EMC10: variants seen among roughly 807,000 people sequenced by gnomAD.
EMC10 encodes UPF0510 protein INM02.
Under a neutral mutation model 32.2 loss-of-function variants are expected in EMC10, and 40 were observed. That is an observed-to-expected ratio of 1.24 (90% CI 0.96 to 1.61). The LOEUF is 1.61. EMC10 is among the 40% of genes most tolerant of loss of function. The probability of loss-of-function intolerance (pLI) is 0.00; values close to 1 mark genes in which losing one functional copy is unlikely to be tolerated. For missense variants in EMC10, 402 were observed against 357.7 expected (o/e 1.12, Z -1.00); for synonymous variants, 178 against 158.4 (o/e 1.12, Z -0.93).
At chr19:50,479,284 G>A (rs2040280788) in intron 3 of EMC10, among the ~76,000 whole-genome samples, 1 of 152,198 alleles carries the variant, frequency 6.6e-6, no homozygotes, top group African/African-American at 2.4e-5. Context: ...CTGCATCACG[G>A]CCTCTTCCTG....
intron 6 of EMC10, 186 bp downstream of exon 6, chr19:50,481,163 A>T: frequency 1.8e-6 from 1 of 570,584 alleles, no homozygotes; most frequent in East Asian, 3.1e-5. Context: ...AAGTGTGGTC[A>T]GGGGAGGTCG....
At position 50,488,817 on chromosome 19, in the gene EMC10, G is replaced by A. The variant is rs1482380957; in HGVS notation, c.*6558G>A. 6 of 151,814 alleles carry A rather than the reference G, an allele frequency of 4.0e-5. No homozygotes were observed. The highest frequency in any genetic ancestry group is 9.7e-5 in the African/African-American group (4 of 41,166). The allele number at this position is 151,814 out of a possible 1,614,324, so 9.4% of individuals were successfully genotyped here. On this transcript the variant is annotated 3_prime_UTR_variant, in exon 7 of 7. Transcript: ENST00000334976. The stretch of plus-strand genomic sequence containing the variant: ...AGAGAATCTGCTAGAAGGGAGAGAG[G>A]AGAGAGAAGAGCCGGACAGGGAGAG...
rs1978537787 is a variant in EMC10 at position 50,489,628 on chromosome 19, C to G, written c.*7369C>G. The G allele has an allele frequency of 6.6e-6, 1 of 152,462 alleles. No homozygotes were observed. Among genetic ancestry groups the G allele is most frequent in the Non-Finnish European group, 1.5e-5 (1 of 68,252 alleles). 9.4% of individuals were successfully genotyped at this position (152,462 alleles called of 1,614,324 possible). A position where few individuals can be genotyped will look rare whatever the true frequency, so the allele number is the denominator to read the frequency against. Reference sequence around the variant, plus strand: ...TGGGAACTCGGCCATGCAGCAGAAACGTTCCCTGCCTCAACAGGGCGCAGC... The same window carrying G: ...TGGGAACTCGGCCATGCAGCAGAAAGGTTCCCTGCCTCAACAGGGCGCAGC... On this transcript the variant is annotated 3_prime_UTR_variant, in exon 7 of 7. Transcript: ENST00000334976.
At position 50,489,319 on chromosome 19, in the gene EMC10, AAAG is replaced by A. The variant is rs1408395271; in HGVS notation, c.*7061_*7063del. On this transcript the variant is annotated 3_prime_UTR_variant, in exon 7 of 7. Coordinates refer to ENST00000334976, the MANE Select transcript of EMC10 (RefSeq NM_206538.4). ...TCCAGCGGGTGAGTGAGCGAGAAAA[AAAG>A]CAGAAAGGAAAGAAGAGGTGCATGA... 1 of 152,390 alleles carries A rather than the reference AAAG, an allele frequency of 6.6e-6. No individual in the cohort carries two copies. Among genetic ancestry groups the A allele is most frequent in the Non-Finnish European group, 1.5e-5 (1 of 68,242 alleles). 9.4% of individuals were successfully genotyped at this position (152,390 alleles called of 1,614,324 possible).
At chr19:50,479,341 A>G (rs1310894717) in intron 3 of EMC10, among the ~76,000 whole-genome samples, 1 of 152,230 alleles carries the variant, frequency 6.6e-6, no homozygotes, top group African/African-American at 2.4e-5. Context: ...AGGTTCACAC[A>G]GTCGGCTCCT....
chr19:50,479,904 C>T (rs773534778), intron 3 of EMC10, among the ~76,000 whole-genome samples: 13 of 152,226 alleles, frequency 8.5e-5, no homozygotes, highest in Non-Finnish European at 1.5e-4. Flanking sequence ...CTAGGTGGGG[C>T]GGTCCCAGCT....
Position 50,479,055 on chromosome 19 carries a change from G to GGCCGACTC in EMC10, c.287_294dup (p.Arg99AlafsTer9). On this transcript the variant is annotated frameshift_variant, in exon 3 of 7. Transcript: ENST00000334976. LOFTEE classifies it high-confidence loss of function. ...GCGGCAGCTCAGCGAGGAGGAGCGG[G>GGCCGACTC]GCCGACTCCGGGTGAGGTGGGGCCC... 6.2e-7 allele frequency: 1 copy of GGCCGACTC among 1,604,396 alleles called. No individual in the cohort carries two copies. Among genetic ancestry groups the GGCCGACTC allele is most frequent in the Non-Finnish European group, 8.5e-7 (1 of 1,176,588 alleles).
chr19:50,477,421 G>T (rs548627418), intron 1 of EMC10, among the ~76,000 whole-genome samples: 2 of 152,196 alleles, frequency 1.3e-5, no homozygotes, highest in Admixed American at 6.5e-5. Flanking sequence ...AAAATAAGGC[G>T]TGGGAGGGGG....
rs940335118 is a variant in EMC10 at position 50,487,932 on chromosome 19, GAA to G, written c.*5676_*5677del. 2 of 151,840 alleles carry G rather than the reference GAA, an allele frequency of 1.3e-5. No individual in the cohort carries two copies. The highest frequency in any genetic ancestry group is 4.9e-5 in the African/African-American group (2 of 41,194). 9.4% of individuals were successfully genotyped at this position (151,840 alleles called of 1,614,324 possible). A position where few individuals can be genotyped will look rare whatever the true frequency, so the allele number is the denominator to read the frequency against. ...AGGCAGATTCAGAGGAGAGAGGAGAGAAAAGAGGTGGAAATCAAACAGGAGAA... is the reference window on the plus strand; with the variant it reads ...AGGCAGATTCAGAGGAGAGAGGAGAGAAGAGGTGGAAATCAAACAGGAGAA... On this transcript the variant is annotated 3_prime_UTR_variant, in exon 7 of 7. Transcript: ENST00000334976.
rs554606954 is a variant in EMC10 at position 50,480,171 on chromosome 19, G to A, written c.358G>A (p.Asp120Asn). 997 of 1,613,918 alleles carry A rather than the reference G, an allele frequency of 6.2e-4. 13 individuals are homozygous for A. The South Asian group carries it at 9.1e-3, about 15-fold the overall frequency. ...VRIPRRPGAL[D>N]GLEAGGYVSS... is the part of the protein sequence containing the mutation. ...GATCCCAAGGCGACCCGGGGCCCTG[G>A]ATGGCCTGGAAGCTGGTGGCTATGT... Residue 120 changes from aspartate to asparagine, a missense_variant, in exon 4 of 7, where the codon GAT (aspartate) becomes AAT (asparagine). Physicochemically the swap from Asp to Asn is conservative, Grantham distance 23 (BLOSUM62 1). Transcript: ENST00000334976. This position sits in a 1 kb window ranked among gnomAD's most constrained non-coding sequence, Gnocchi z 4.4.
At position 50,476,609 on chromosome 19, in the gene EMC10, C is replaced by T; in HGVS notation, c.65C>T (p.Pro22Leu). The change falls in exon 1 of 7, where the codon CCC becomes CTC. Residue 22 changes from proline to leucine, a missense_variant. Pro to Leu is a moderately conservative substitution (Grantham distance 98, BLOSUM62 -3). Coordinates refer to ENST00000334976, the MANE Select transcript of EMC10 (RefSeq NM_206538.4). Reference sequence around the variant, plus strand: ...CTCTTGCTGATGGCGGTAGCAGCGCCCAGTCGAGCCCGGGGCAGCGGCTGC... The same window carrying T: ...CTCTTGCTGATGGCGGTAGCAGCGCTCAGTCGAGCCCGGGGCAGCGGCTGC... ...LLLLLMAVAAPSRARGSGCRA... is the reference protein window; with the variant it reads ...LLLLLMAVAALSRARGSGCRA... 1 of 1,562,390 alleles carries T rather than the reference C, an allele frequency of 6.4e-7. No individual in the cohort carries two copies. The highest frequency in any genetic ancestry group is 8.6e-7 in the Non-Finnish European group (1 of 1,159,656).
Position 50,487,554 on chromosome 19 carries a change from G to C in EMC10, c.*5295G>C, listed in dbSNP as rs1978410205. ...GTGTCACAAAGGTCTGTCCACTCCT[G>C]GGCCTCAGGCTTGGGGGCCCTGCTC... On this transcript the variant is annotated 3_prime_UTR_variant, in exon 7 of 7. Coordinates refer to ENST00000334976, the MANE Select transcript of EMC10 (RefSeq NM_206538.4). The C allele has an allele frequency of 6.6e-6, 1 of 152,394 alleles. No individual in the cohort carries two copies. The highest frequency in any genetic ancestry group is 2.4e-5 in the African/African-American group (1 of 41,464). 9.4% of individuals were successfully genotyped at this position (152,394 alleles called of 1,614,324 possible).
At position 50,482,897 on chromosome 19, in the gene EMC10, C is replaced by G. The variant is rs2040345865; in HGVS notation, c.*638C>G. 1 of 547,074 alleles carries G rather than the reference C, an allele frequency of 1.8e-6. No individual in the cohort carries two copies. The highest frequency in any genetic ancestry group is 1.9e-5 in the African/African-American group (1 of 52,324). The allele number at this position is 547,074 out of a possible 1,614,324, so 33.9% of individuals were successfully genotyped here. A position where few individuals can be genotyped will look rare whatever the true frequency, so the allele number is the denominator to read the frequency against. On this transcript the variant is annotated 3_prime_UTR_variant, in exon 7 of 7. Transcript: ENST00000334976. ...GTCTGCCTGGTGCAAACAAGGAATC[C>G]TTGCCTTTAAGGTGACAGGCCCTCC...
Position 50,480,324 on chromosome 19 carries a change from T to C in EMC10, c.402+109T>C. 4.2e-6 allele frequency: 5 copies of C among 1,198,276 alleles called. No individual in the cohort carries two copies. The highest frequency in any genetic ancestry group is 5.9e-6 in the Non-Finnish European group (5 of 843,360). The allele number at this position is 1,198,276 out of a possible 1,614,324, so 74.2% of individuals were successfully genotyped here. On this transcript the variant is annotated intron_variant, in intron 4 of 6. Transcript: ENST00000334976. This position sits in a 1 kb window ranked among gnomAD's most constrained non-coding sequence, Gnocchi z 4.4. ...TGTGTTTCTGGAGCCCGCAGAGGCC[T>C]GGGAGACTCAGACCTGGCCTTGCCT...
chr19:50,482,032 C>T (rs1198310465), intron 6 of EMC10, 117 bp from the exon 7 acceptor site: 1 of 1,532,024 alleles, frequency 6.5e-7, no homozygotes, highest in Non-Finnish European at 9.0e-7. Flanking sequence ...GCGCCCTCCC[C>T]TTACGCGACC....
In EMC10 at chr19:50,485,308, C is replaced by A; in HGVS notation, c.*3049C>A. The A allele has an allele frequency of 6.6e-6, 1 of 152,376 alleles. No individual in the cohort carries two copies. 9.4% of individuals were successfully genotyped at this position (152,376 alleles called of 1,614,324 possible). On this transcript the variant is annotated 3_prime_UTR_variant, in exon 7 of 7. Transcript: ENST00000334976. ...TCACCCTGGAGGTTCCAGACAGCCC[C>A]TCTTCACCAGCGATTCCCCAACTCA... is the stretch of plus-strand genomic sequence containing the variant.
At chr19:50,476,874 G>C (rs1601321423) in intron 1 of EMC10, 2 of 458,540 alleles carry the variant, frequency 4.4e-6, no homozygotes, top group Non-Finnish European at 7.7e-6. Flanking sequence ...CGCACCTGTC[G>C]GAAGGCTCTG....
rs1978441418 is a variant in EMC10, at chr19:50,488,147, T to A, written c.*5888T>A. 1.3e-5 allele frequency: 2 copies of A among 150,324 alleles called. No individual in the cohort carries two copies. The highest frequency in any genetic ancestry group is 2.1e-4 in the South Asian group (1 of 4,748). 9.3% of individuals were successfully genotyped at this position (150,324 alleles called of 1,614,324 possible). A position where few individuals can be genotyped will look rare whatever the true frequency, so the allele number is the denominator to read the frequency against. On this transcript the variant is annotated 3_prime_UTR_variant, in exon 7 of 7. Coordinates refer to ENST00000334976, the MANE Select transcript of EMC10 (RefSeq NM_206538.4). ...CTCTACTAAAAATACAAAAAAAAAA[T>A]TAGCAGGGCATGGTGGCAGGCGCCT...
chr19:50,486,722 G>GTCCCAGT lies in EMC10; in HGVS notation c.*4465_*4471dup, dbSNP rs1376512252. 2.0e-5 allele frequency: 3 copies of GTCCCAGT among 152,182 alleles called. No individual in the cohort carries two copies. The highest frequency in any genetic ancestry group is 7.2e-5 in the African/African-American group (3 of 41,440). 9.4% of individuals were successfully genotyped at this position (152,182 alleles called of 1,614,324 possible). ...CATTTTCCTTTGTTTCCCATGTGCA[G>GTCCCAGT]TCCCAGTTGCATTTCCATGGGAGCC... On this transcript the variant is annotated 3_prime_UTR_variant, in exon 7 of 7. Transcript: ENST00000334976.
Sources: allele counts gnomAD v4.1 joint callset (sites outside exome capture counted in the v4.1 genomes callset), GRCh38; gene constraint gnomAD v4.1.1; non-coding constraint Gnocchi (gnomAD v3.1); transcripts MANE v1.5; gene names NCBI Gene and HGNC (gene_info 2026-07-23, HGNC 2026-07-21).